Variants in EPC1 observed in about 807,000 individuals in gnomAD.
The protein encoded by EPC1 is enhancer of polycomb 1, also known as enhancer of polycomb homolog 1.
Under a neutral mutation model 98.4 loss-of-function variants are expected in EPC1, and 12 were observed. The ratio of observed to expected loss-of-function variants is 0.12; its 90% CI spans 0.08 to 0.20. The LOEUF (loss-of-function observed/expected upper bound fraction) is 0.20. Ranked by LOEUF, EPC1 falls within the 10% of genes least tolerant of loss-of-function variation. EPC1 has a pLI of 1.00. For missense variants in EPC1, 729 were observed against 990.5 expected, an observed-to-expected ratio of 0.74 and a Z score of 3.54; for synonymous variants, 357 against 363.9, an observed-to-expected ratio of 0.98 and a Z score of 0.21.
chr10:32,321,001 A>ACTCCATTCACTGTCC (rs1836876724), intron 1 of EPC1, among the ~76,000 whole-genome samples: 1 of 152,106 alleles, frequency 6.6e-6, no homozygotes, highest in Non-Finnish European at 1.5e-5. Context: ...TCATCTTGTA[A>ACTCCATTCACTGTCC]CTCCATTCAC....
Position 32,271,598 on chromosome 10 carries a change from T to C in EPC1, c.2325A>G (p.Gln775=), listed in dbSNP as rs151296453. 2.0e-3 allele frequency: 3,162 copies of C among 1,614,168 alleles called. 12 individuals are homozygous for C. The highest frequency in any genetic ancestry group is 6.6e-3 in the South Asian group (599 of 91,084). The change falls in exon 13 of 14, where the codon CAA becomes CAG. Residue 775 remains glutamine (Q), a synonymous_variant. Coordinates refer to ENST00000319778, the MANE Select transcript of EPC1 (RefSeq NM_001272004.3). The stretch of plus-strand genomic sequence containing the variant: ...AGGATGAAGATGGGACCTTGGAAAC[T>C]TGACAGTTTGCTGCAGCGGCCAGCT... ...ALKLAAAANC[Q]VSKVPSSSSV...
At chr10:32,340,605 G>A (rs1838278937) in intron 1 of EPC1, among the ~76,000 whole-genome samples, 1 of 152,152 alleles carries the variant, frequency 6.6e-6, no homozygotes, top group African/African-American at 2.4e-5. Flanking sequence ...CAAGGTGGGT[G>A]GATCACTTGA....
chr10:32,338,230 G>A (rs1838097158), intron 1 of EPC1, among the ~76,000 whole-genome samples: 1 of 152,096 alleles, frequency 6.6e-6, no homozygotes, highest in South Asian at 2.1e-4. Context: ...TCAACTTGGA[G>A]GTTCATCCTC....
chr10:32,312,602 A>G (rs532211765), intron 1 of EPC1, among the ~76,000 whole-genome samples: 1 of 152,090 alleles, frequency 6.6e-6, no homozygotes, highest in Non-Finnish European at 1.5e-5. Flanking sequence ...TGCACCCCCA[A>G]TCTAAGCAAC....
intron 1 of EPC1, among the ~76,000 whole-genome samples, chr10:32,370,880 A>G (rs756354738): frequency 1.3e-5 from 2 of 152,200 alleles, no homozygotes; most frequent in African/African-American, 2.4e-5. Context: ...AAATGATCTG[A>G]GTCTACTATT....
chr10:32,375,832 T>C (rs1182170184), intron 1 of EPC1, among the ~76,000 whole-genome samples: 1 of 152,022 alleles, frequency 6.6e-6, no homozygotes, highest in Non-Finnish European at 1.5e-5. Flanking sequence ...CTAGCAACTG[T>C]TACCATGAAA....
At chr10:32,373,320 T>C (rs568575081) in intron 1 of EPC1, among the ~76,000 whole-genome samples, 1 of 152,326 alleles carries the variant, frequency 6.6e-6, no homozygotes, top group East Asian at 1.9e-4. Context: ...TAAGCTCTAA[T>C]CAAATGTTGT....
At chr10:32,368,356 C>G (rs910950329) in intron 1 of EPC1, among the ~76,000 whole-genome samples, 3 of 152,216 alleles carry the variant, frequency 2.0e-5, no homozygotes, top group African/African-American at 7.2e-5. Context: ...AGCCTACTCT[C>G]TATCCGCACT....
rs753512091 is a variant in EPC1 at position 32,286,966 on chromosome 10, G to A, written c.1202C>T (p.Pro401Leu). 41 of 1,613,840 alleles carry A rather than the reference G, an allele frequency of 2.5e-5. No homozygotes were observed. The highest frequency in any genetic ancestry group is 3.4e-5 in the Non-Finnish European group (40 of 1,180,002). ...GCCTGCTTTCCTACGGAAAGCAAAAGGACCATCAGGATCATTGTCTTCCTC... is the reference window on the plus strand; with the variant it reads ...GCCTGCTTTCCTACGGAAAGCAAAAAGACCATCAGGATCATTGTCTTCCTC... ...EAEEDNDPDG[P>L]FAFRRKAGCQ... Residue 401 changes from proline to leucine, a missense_variant, in exon 8 of 14, where the codon CCT becomes CTT. Pro to Leu is a moderately conservative substitution (Grantham distance 98). Transcript: ENST00000319778.
At chr10:32,294,939 CCT>C (rs1835060923) in intron 2 of EPC1, among the ~76,000 whole-genome samples, 2 of 151,952 alleles carry the variant, frequency 1.3e-5, no homozygotes, top group South Asian at 4.1e-4. Flanking sequence ...TACAAAAATC[CCT>C]GTTTTTCTGC....
chr10:32,318,826 G>A (rs1483938679), intron 1 of EPC1, among the ~76,000 whole-genome samples: 1 of 152,118 alleles, frequency 6.6e-6, no homozygotes, highest in Non-Finnish European at 1.5e-5. Context: ...CTAACCTCTA[G>A]TATTACATTA....
At chr10:32,323,309 C>T (rs1837050741) in intron 1 of EPC1, among the ~76,000 whole-genome samples, 1 of 152,132 alleles carries the variant, frequency 6.6e-6, no homozygotes, top group Non-Finnish European at 1.5e-5. Context: ...TCTTCCTGGA[C>T]TGGTTAAAAA....
intron 2 of EPC1, among the ~76,000 whole-genome samples, chr10:32,304,416 T>C (rs1338037569): frequency 7.2e-5 from 11 of 152,202 alleles, no homozygotes; most frequent in Admixed American, 7.2e-4. Flanking sequence ...AAATCCACCT[T>C]GGCATGATTT....
In EPC1 at chr10:32,267,768, A is replaced by G. The variant is rs1835660134; in HGVS notation, c.*1295T>C. 1 of 152,246 alleles carries G rather than the reference A, an allele frequency of 6.6e-6. No homozygotes were observed. The highest frequency in any genetic ancestry group is 1.5e-5 in the Non-Finnish European group (1 of 68,054). 9.4% of individuals were successfully genotyped at this position (152,246 alleles called of 1,614,324 possible). A position where few individuals can be genotyped will look rare whatever the true frequency, so the allele number is the denominator to read the frequency against. On this transcript the variant is annotated 3_prime_UTR_variant, in exon 14 of 14. Transcript: ENST00000319778. Reference sequence around the variant, plus strand: ...ACTACACATTAGTTTGTCAACATGTAATGCCCTGGGTTTATTTTGTGAGAA... The same window carrying G: ...ACTACACATTAGTTTGTCAACATGTGATGCCCTGGGTTTATTTTGTGAGAA...
chr10:32,358,147 G>A (rs1428525162), intron 1 of EPC1, among the ~76,000 whole-genome samples: 5 of 152,030 alleles, frequency 3.3e-5, no homozygotes, highest in East Asian at 1.9e-4. Context: ...GAGCCATCAC[G>A]CCCAGGCTAC....
Position 32,292,598 on chromosome 10 carries a change from C to T in EPC1, c.713G>A (p.Arg238Gln), listed in dbSNP as rs756684560. ...EASYEKMLKL[R>Q]RDLSRAVTIL... ...AGTAACAGCTCGACTTAGATCTCGT[C>T]GCAGCTTAAGCATTTTTTCGTAAGA... The change falls in exon 5 of 14, where the codon CGA (arginine) becomes CAA (glutamine). Residue 238 changes from arginine (R) to glutamine (Q), a missense_variant. Around this residue, in one of 6 missense-constraint regions of EPC1, gnomAD observed 39 missense variants for 94.9 expected, o/e 0.41. Transcript: ENST00000319778. The T allele has an allele frequency of 1.2e-6, 2 of 1,605,348 alleles. No individual in the cohort carries two copies. The highest frequency in any genetic ancestry group is 1.7e-6 in the Non-Finnish European group (2 of 1,177,804).
At chr10:32,303,533 GA>G (rs985764691) in intron 2 of EPC1, among the ~76,000 whole-genome samples, 1 of 152,098 alleles carries the variant, frequency 6.6e-6, no homozygotes, top group African/African-American at 2.4e-5. Flanking sequence ...GATACTGAGT[GA>G]AAAAAAGCCA....
chr10:32,278,582 C>T (rs1170509574), intron 10 of EPC1, among the ~76,000 whole-genome samples: 2 of 151,574 alleles, frequency 1.3e-5, no homozygotes, highest in African/African-American at 4.8e-5. Flanking sequence ...GGGGTTTCAC[C>T]GTTTTAGCCG....
chr10:32,316,646 G>C (rs577997025), intron 1 of EPC1, among the ~76,000 whole-genome samples: 90 of 152,294 alleles, frequency 5.9e-4, no homozygotes, highest in African/African-American at 2.1e-3. Flanking sequence ...GTTCCCTCTG[G>C]GAAGTGGAGG....
Sources: gnomAD v4.1 joint callset for allele counts (sites outside exome capture counted in the v4.1 genomes callset) on GRCh38, gnomAD v4.1.1 for gene constraint, gnomAD v4.1.1 regional missense constraint, MANE v1.5 for transcripts, NCBI Gene and HGNC (gene_info 2026-07-23, HGNC 2026-07-21) for gene names.